The following BTRC variants were observed in gnomAD, a reference collection of about 807,000 sequenced individuals.
BTRC encodes beta-transducin repeat containing E3 ubiquitin protein ligase.
Under a neutral mutation model 85.5 loss-of-function variants are expected in BTRC, and 42 were observed. That is an observed-to-expected ratio of 0.49 (90% confidence interval 0.38 to 0.64). BTRC has a LOEUF of 0.64. Ranked by LOEUF, BTRC falls within the 30% of genes least tolerant of loss-of-function variation. BTRC has a pLI of 0.00. For missense variants in BTRC, 594 were observed against 743.5 expected (o/e 0.80, Z 2.34); for synonymous variants, 255 against 263.3 (o/e 0.97, Z 0.30).
chr10:101,448,783 G>T (rs553891121), intron 2 of BTRC, among the ~76,000 whole-genome samples: 7 of 152,036 alleles, frequency 4.6e-5, no homozygotes, highest in Admixed American at 3.3e-4. Flanking sequence ...ATTTTAAGAG[G>T]AAAGCAAGGG....
intron 1 of BTRC, among the ~76,000 whole-genome samples, chr10:101,417,448 CAG>C (rs1330249057): frequency 1.3e-5 from 2 of 152,162 alleles, no homozygotes; most frequent in African/African-American, 4.8e-5. Context: ...AGGAATATCA[CAG>C]AGGTGATGTT....
intron 4 of BTRC, among the ~76,000 whole-genome samples, chr10:101,488,351 G>A (rs943095669): frequency 3.9e-5 from 6 of 152,172 alleles, no homozygotes; most frequent in Non-Finnish European, 8.8e-5. Context: ...ACTTCTCAGT[G>A]TTGGGCTGTG....
chr10:101,381,858 C>G (rs1419770156), intron 1 of BTRC, among the ~76,000 whole-genome samples: 1 of 151,092 alleles, frequency 6.6e-6, no homozygotes. Context: ...TATTCCTAAC[C>G]TCAATACAAG....
rs1164814581 is a variant in BTRC at position 101,553,218 on chromosome 10, A to G, written c.*95A>G. On this transcript the variant is annotated 3_prime_UTR_variant, in exon 15 of 15. Coordinates refer to ENST00000370187, the MANE Select transcript of BTRC (RefSeq NM_033637.4). ...ACCAGGATGAGCAACAACAGTAACA[A>G]TCAAACTACTGCCCAGTTTCCCTGG... The G allele has an allele frequency of 2.6e-5, 4 of 152,664 alleles. No homozygotes were observed. The highest frequency in any genetic ancestry group is 5.9e-5 in the Non-Finnish European group (4 of 68,058). The allele number at this position is 152,664 out of a possible 1,614,324, so 9.5% of individuals were successfully genotyped here.
chr10:101,513,964 C>T (rs2061990077), intron 4 of BTRC, among the ~76,000 whole-genome samples: 1 of 152,164 alleles, frequency 6.6e-6, no homozygotes, highest in Non-Finnish European at 1.5e-5. Context: ...TAAATTTTAG[C>T]CATTCTAATA....
Position 101,531,354 on chromosome 10 carries a change from G to C in BTRC, c.840+21G>C, listed in dbSNP as rs188592989. 1.2e-3 allele frequency: 1,874 copies of C among 1,533,174 alleles called. 1 individual carries two copies. Among genetic ancestry groups the C allele is most frequent in the Admixed American group, 1.7e-3 (98 of 58,476 alleles). The allele number at this position is 1,533,174 out of a possible 1,614,324, so 95.0% of individuals were successfully genotyped here. A position where few individuals can be genotyped will look rare whatever the true frequency, so the allele number is the denominator to read the frequency against. ...TTGAGGTAAGAATCTATGTATTTTG[G>C]GGTATTGCCCAAGGGCACAGAATTA... On this transcript the variant is annotated intron_variant, in intron 7 of 14. Transcript: ENST00000370187.
At chr10:101,456,931 T>C (rs1945097835) in intron 2 of BTRC, among the ~76,000 whole-genome samples, 1 of 152,190 alleles carries the variant, frequency 6.6e-6, no homozygotes, top group African/African-American at 2.4e-5. Flanking sequence ...TTTACAAAAA[T>C]ATTTTAATAT....
chr10:101,461,374 T>G (rs1945221157), intron 2 of BTRC, among the ~76,000 whole-genome samples: 1 of 152,162 alleles, frequency 6.6e-6, no homozygotes, highest in Admixed American at 6.5e-5. Context: ...GTTGGATTGT[T>G]GTTTTTTTCC....
intron 3 of BTRC, among the ~76,000 whole-genome samples, chr10:101,472,731 C>T (rs1272847402): frequency 2.6e-5 from 4 of 152,156 alleles, no homozygotes; most frequent in African/African-American, 7.2e-5. Context: ...AGGAGAATTG[C>T]TTGAACCCGG....
At chr10:101,440,196 G>C (rs1293904404) in intron 2 of BTRC, among the ~76,000 whole-genome samples, 1 of 151,924 alleles carries the variant, frequency 6.6e-6, no homozygotes, top group Non-Finnish European at 1.5e-5. Flanking sequence ...GTAATAAAAT[G>C]AGTTTTCTAT....
chr10:101,444,619 T>C (rs1234644221), intron 2 of BTRC, among the ~76,000 whole-genome samples: 1 of 152,134 alleles, frequency 6.6e-6, no homozygotes, highest in African/African-American at 2.4e-5. Flanking sequence ...ATGTGCTGAT[T>C]ACACAAAATA....
At chr10:101,423,436 C>T (rs184964449) in intron 1 of BTRC, among the ~76,000 whole-genome samples, 1 of 152,262 alleles carries the variant, frequency 6.6e-6, no homozygotes, top group Non-Finnish European at 1.5e-5. Context: ...TGTGACTGAG[C>T]TTTTCTAAAT....
At chr10:101,371,610 G>A (rs559096280) in intron 1 of BTRC, among the ~76,000 whole-genome samples, 11 of 152,224 alleles carry the variant, frequency 7.2e-5, no homozygotes, top group African/African-American at 2.6e-4. Flanking sequence ...CCTTTTTTAA[G>A]GCTGAATAAC....
chr10:101,355,856 T>C (rs1332876006), intron 1 of BTRC, among the ~76,000 whole-genome samples: 1 of 152,214 alleles, frequency 6.6e-6, no homozygotes, highest in Non-Finnish European at 1.5e-5. Flanking sequence ...CAAAATTTCA[T>C]TGAGCCTGAA....
chr10:101,540,699 G>C (rs1284028666), intron 13 of BTRC, among the ~76,000 whole-genome samples: 1 of 152,120 alleles, frequency 6.6e-6, no homozygotes, highest in Non-Finnish European at 1.5e-5. Context: ...GTCTCAGTGT[G>C]TTGCCCAGAC....
chr10:101,505,224 A>T (rs2134306441), intron 4 of BTRC, among the ~76,000 whole-genome samples: 1 of 120,986 alleles, frequency 8.3e-6, no homozygotes, highest in East Asian at 3.0e-4. Flanking sequence ...GGCTGGTCTA[A>T]GACTCTTGAC....
intron 2 of BTRC, among the ~76,000 whole-genome samples, chr10:101,445,639 G>A (rs1370987252): frequency 6.6e-6 from 1 of 152,136 alleles, no homozygotes; most frequent in African/African-American, 2.4e-5. Flanking sequence ...GGAACCTCCT[G>A]GAGTTATTTT....
At chr10:101,506,399 T>A (rs1450372432) in intron 4 of BTRC, among the ~76,000 whole-genome samples, 1 of 152,194 alleles carries the variant, frequency 6.6e-6, no homozygotes, top group Admixed American at 6.5e-5. Flanking sequence ...TCCCAAAATT[T>A]AGCTCATGTT....
intron 2 of BTRC, among the ~76,000 whole-genome samples, chr10:101,441,130 T>C (rs556091891): frequency 6.6e-6 from 1 of 152,336 alleles, no homozygotes; most frequent in African/African-American, 2.4e-5. Context: ...GGCTGATTTC[T>C]ACAGGATGAA....
Sources: gnomAD v4.1 joint callset for allele counts (sites outside exome capture counted in the v4.1 genomes callset) on GRCh38, gnomAD v4.1.1 for gene constraint, MANE v1.5 for transcripts, NCBI Gene and HGNC (gene_info 2026-07-23, HGNC 2026-07-21) for gene names.